Variants in RERE observed in about 807,000 individuals in gnomAD.
RERE encodes arginine-glutamic acid dipeptide repeats, also known as arginine-glutamic acid dipeptide repeats protein.
RERE carries 40 observed loss-of-function variants against 146.1 expected under a neutral mutation model. The ratio of observed to expected loss-of-function variants is 0.27; its 90% CI spans 0.21 to 0.36. The LOEUF (loss-of-function observed/expected upper bound fraction) is 0.36, where lower values mean the gene tolerates loss of function less well. Ranked by LOEUF, RERE falls within the 10% of genes least tolerant of loss-of-function variation. The probability of loss-of-function intolerance (pLI) is 1.00; values close to 1 mark genes in which losing one functional copy is unlikely to be tolerated. For synonymous variants in RERE, 1,003 were observed against 866.0 expected (o/e 1.16, Z -2.78); for missense variants, 1,933 against 2,138.7 (o/e 0.90, Z 1.90).
chr1:8,430,126 C>A (rs948201907), intron 11 of RERE: 11 of 152,324 alleles, frequency 7.2e-5, no homozygotes, highest in African/African-American at 2.6e-4. Context: ...GGTTGCAGAT[C>A]CCGTCACCCC....
At chr1:8,426,060 T>C (rs1365555789) in intron 11 of RERE, among the ~76,000 whole-genome samples, 1 of 152,144 alleles carries the variant, frequency 6.6e-6, no homozygotes, top group Non-Finnish European at 1.5e-5. Flanking sequence ...CAGGCAGGCG[T>C]CTACAGTGGT....
At chr1:8,731,993 C>T (rs964927164) in intron 1 of RERE, among the ~76,000 whole-genome samples, 8 of 151,968 alleles carry the variant, frequency 5.3e-5, no homozygotes, top group African/African-American at 9.7e-5. Context: ...TTAGTAGAGA[C>T]GGGGTTTCAC....
chr1:8,494,864 G>A (rs567859112), intron 10 of RERE, among the ~76,000 whole-genome samples, 199 bp downstream of exon 10: 6 of 152,254 alleles, frequency 3.9e-5, no homozygotes, highest in South Asian at 4.1e-4. Flanking sequence ...CAAACCTGCA[G>A]CACAGACACA....
chr1:8,727,781 T>G (rs1250168872), intron 1 of RERE, among the ~76,000 whole-genome samples: 1 of 152,172 alleles, frequency 6.6e-6, no homozygotes, highest in Admixed American at 6.5e-5. Flanking sequence ...TGTGAGCCAC[T>G]GAGCCCGGCC....
rs58718828 is a variant in RERE at position 8,668,924 on chromosome 1, CTGTGTG to C, written c.-144-12489_-144-12484del. Among the ~76,000 whole-genome samples, 302 of 83,482 alleles carry C rather than the reference CTGTGTG, an allele frequency of 3.6e-3. 19 individuals are homozygous for C. The highest frequency in any genetic ancestry group is 0.011 in the African/African-American group (269 of 23,464). 54.8% of individuals were successfully genotyped at this position (83,482 alleles called of 152,430 possible). On this transcript the variant is annotated intron_variant, in intron 1 of 22. Transcript: ENST00000400908. The stretch of plus-strand genomic sequence containing the variant: ...TGAATATTCTAAAATGCACTAAACT[CTGTGTG>C]TGTGTGTGTGTGTGTGTGTGTGTGT...
At chr1:8,727,134 CTT>C (rs540702633) in intron 1 of RERE, among the ~76,000 whole-genome samples, 2 of 150,164 alleles carry the variant, frequency 1.3e-5, no homozygotes, top group Admixed American at 6.6e-5. Context: ...GATTAGTAGT[CTT>C]TTTTTTGGAG....
At chr1:8,519,241 C>CCAAA (rs1557669517) in intron 7 of RERE, among the ~76,000 whole-genome samples, 1 of 151,752 alleles carries the variant, frequency 6.6e-6, no homozygotes, top group African/African-American at 2.4e-5. Context: ...AACAAAAAAC[C>CCAAA]CAACCAACCA....
chr1:8,428,880 A>ACC (rs1160336369), intron 11 of RERE, among the ~76,000 whole-genome samples: 1 of 151,950 alleles, frequency 6.6e-6, no homozygotes, highest in African/African-American at 2.4e-5. Flanking sequence ...GCTTGAGCCC[A>ACC]CCCCCTGTCA....
chr1:8,435,596 G>C (rs1188683891), intron 11 of RERE, among the ~76,000 whole-genome samples: 1 of 152,240 alleles, frequency 6.6e-6, no homozygotes, highest in East Asian at 1.9e-4. Context: ...TCAGCATCCA[G>C]AGTAGAGCCA....
intron 12 of RERE, among the ~76,000 whole-genome samples, chr1:8,369,765 C>T (rs986609695): frequency 2.0e-5 from 3 of 152,016 alleles, no homozygotes; most frequent in African/African-American, 7.2e-5. Context: ...CAGACTTTCA[C>T]GGATACATTC....
chr1:8,702,569 T>C (rs1481838236), intron 1 of RERE, among the ~76,000 whole-genome samples: 1 of 152,180 alleles, frequency 6.6e-6, no homozygotes, highest in East Asian at 1.9e-4. Flanking sequence ...AGAAGAAAAT[T>C]TCATTTGTCA....
At chr1:8,358,130 T>C (rs888773886) in intron 20 of RERE, 66 bp downstream of exon 20, 10 of 1,526,886 alleles carry the variant, frequency 6.5e-6, no homozygotes, top group Non-Finnish European at 8.8e-6. Flanking sequence ...GGATGGTGAC[T>C]GTCACTCATC....
At chr1:8,463,594 T>G (rs1225006655) in intron 11 of RERE, among the ~76,000 whole-genome samples, 4 of 152,126 alleles carry the variant, frequency 2.6e-5, no homozygotes, top group African/African-American at 9.7e-5. Context: ...GGACTTTGGC[T>G]GTGTATTTTT....
chr1:8,583,883 A>G (rs1323200530), intron 4 of RERE, among the ~76,000 whole-genome samples: 4 of 152,002 alleles, frequency 2.6e-5, no homozygotes, highest in Non-Finnish European at 4.4e-5. Flanking sequence ...AGCAAAGTAC[A>G]TTATACAAAC....
At chr1:8,619,079 A>G (rs1299316260) in intron 3 of RERE, among the ~76,000 whole-genome samples, 1 of 152,234 alleles carries the variant, frequency 6.6e-6, no homozygotes, top group Non-Finnish European at 1.5e-5. Flanking sequence ...TTAAACGATA[A>G]ATAACTTGGC....
intron 12 of RERE, among the ~76,000 whole-genome samples, chr1:8,383,016 A>T (rs1642511485): frequency 6.6e-6 from 1 of 151,624 alleles, no homozygotes; most frequent in Non-Finnish European, 1.5e-5. Context: ...CTAAGTTAAA[A>T]AAAAAAAAAA....
At chr1:8,426,785 C>A (rs1391407678) in intron 11 of RERE, among the ~76,000 whole-genome samples, 1 of 152,204 alleles carries the variant, frequency 6.6e-6, no homozygotes, top group Non-Finnish European at 1.5e-5. Context: ...CTGGCCCACA[C>A]TGGGGGACCT....
chr1:8,762,037 T>C (rs935146838), intron 1 of RERE, among the ~76,000 whole-genome samples: 5 of 152,236 alleles, frequency 3.3e-5, no homozygotes, highest in African/African-American at 1.2e-4. Flanking sequence ...AACTCTATCA[T>C]GTCACTCCTT....
intron 1 of RERE, among the ~76,000 whole-genome samples, chr1:8,752,326 C>G (rs771966067): frequency 6.6e-6 from 1 of 151,892 alleles, no homozygotes; most frequent in Non-Finnish European, 1.5e-5. Flanking sequence ...TATTCTTGTA[C>G]TAAAGCATAG....
Sources: allele counts gnomAD v4.1 joint callset (sites outside exome capture counted in the v4.1 genomes callset), GRCh38; gene constraint gnomAD v4.1.1; transcripts MANE v1.5; gene names NCBI Gene and HGNC (gene_info 2026-07-23, HGNC 2026-07-21).